FAM76B: variants seen among roughly 807,000 people sequenced by gnomAD.
FAM76B encodes protein FAM76B.
Under a neutral mutation model 51.8 loss-of-function variants are expected in FAM76B, and 16 were observed. That is an observed-to-expected ratio of 0.31 (90% confidence interval 0.21 to 0.47). The LOEUF is 0.47. FAM76B is among the 20% of genes least tolerant of loss of function. The probability of loss-of-function intolerance (pLI) is 1.00; values close to 1 mark genes in which losing one functional copy is unlikely to be tolerated. For missense variants in FAM76B, 342 were observed against 392.6 expected (o/e 0.87, Z 1.09); for synonymous variants, 166 against 129.5 (o/e 1.28, Z -1.91).
At chr11:95,784,942 G>C (rs61902246) in intron 4 of FAM76B, among the ~76,000 whole-genome samples, 2,614 of 152,032 alleles carry the variant, frequency 0.017, 31 homozygotes, top group Middle Eastern at 0.031. Flanking sequence ...AACAAAATAA[G>C]GTTATATATT....
At position 95,789,500 on chromosome 11, in the gene FAM76B, C is replaced by T; in HGVS notation, c.-22G>A. The stretch of plus-strand genomic sequence containing the variant: ...CCATCCTGCTCCTCAGTCTCCTCCT[C>T]CGCCGCCGCCCGCTCCGAGGCGGGG... On this transcript the variant is annotated 5_prime_UTR_variant, in exon 1 of 10. Coordinates refer to ENST00000358780, the MANE Select transcript of FAM76B (RefSeq NM_144664.5). 6.3e-7 allele frequency: 1 copy of T among 1,575,738 alleles called. No homozygotes were observed. The highest frequency in any genetic ancestry group is 1.2e-5 in the South Asian group (1 of 86,528).
intron 9 of FAM76B, among the ~76,000 whole-genome samples, chr11:95,774,972 A>C (rs1859930095): frequency 6.6e-6 from 1 of 151,030 alleles, no homozygotes; most frequent in Non-Finnish European, 1.5e-5. Context: ...CAAAAGAAAG[A>C]AATAGCAAAT....
intron 1 of FAM76B, chr11:95,788,942 G>A (rs1370746575): frequency 1.5e-6 from 2 of 1,347,248 alleles, no homozygotes; most frequent in South Asian, 1.2e-5. Flanking sequence ...CAGTCGCTTC[G>A]CTTTCCTGGA....
At chr11:95,782,044 A>C (rs1860299606) in intron 5 of FAM76B, among the ~76,000 whole-genome samples, 1 of 152,190 alleles carries the variant, frequency 6.6e-6, no homozygotes, top group South Asian at 2.1e-4. Context: ...AAAATTTAAG[A>C]ACAAACAATA....
At chr11:95,776,304 C>T (rs1748124122) in intron 8 of FAM76B, among the ~76,000 whole-genome samples, 2 of 151,272 alleles carry the variant, frequency 1.3e-5, no homozygotes, top group South Asian at 4.1e-4. Flanking sequence ...AGTTTGGCAA[C>T]TGGTATGCCA....
At position 95,788,585 on chromosome 11, in the gene FAM76B, G is replaced by GATACTT. The variant is rs759408857; in HGVS notation, c.88-23_88-22insAAGTAT. 8.3e-4 allele frequency: 1,333 copies of GATACTT among 1,597,860 alleles called. 4 individuals carry two copies. Among genetic ancestry groups the GATACTT allele is most frequent in the Admixed American group, 1.3e-3 (76 of 58,778 alleles). ...ATTCCTGTAATAAGACAATACATTA[G>GATACTT]TCAGTATCTTTCTGAAAGTCCCAAA... On this transcript the variant is annotated intron_variant, in intron 1 of 9. Transcript: ENST00000358780.
intron 5 of FAM76B, among the ~76,000 whole-genome samples, chr11:95,781,717 T>C (rs1860279156): frequency 6.6e-6 from 1 of 152,156 alleles, no homozygotes; most frequent in African/African-American, 2.4e-5. Flanking sequence ...GGTAGACTTA[T>C]ATTATTTTGC....
At chr11:95,782,782 T>C (rs1046520966) in intron 5 of FAM76B, among the ~76,000 whole-genome samples, 3 of 152,216 alleles carry the variant, frequency 2.0e-5, no homozygotes, top group Non-Finnish European at 4.4e-5. Flanking sequence ...TGATAAGTTA[T>C]TTAAGTGTTA....
intron 9 of FAM76B, among the ~76,000 whole-genome samples, chr11:95,772,716 C>CT (rs1008363386): frequency 6.0e-5 from 9 of 150,882 alleles, no homozygotes; most frequent in Non-Finnish European, 1.3e-4. Context: ...CTAATTTTAG[C>CT]TTTTTACGGG....
At chr11:95,772,316 T>C (rs552096607) in intron 9 of FAM76B, among the ~76,000 whole-genome samples, 22 of 151,294 alleles carry the variant, frequency 1.5e-4, no homozygotes, top group African/African-American at 5.1e-4. Flanking sequence ...TCATGAAAGC[T>C]TGAATTTTTA....
At chr11:95,784,178 G>C (rs1860426757) in intron 4 of FAM76B, among the ~76,000 whole-genome samples, 1 of 152,034 alleles carries the variant, frequency 6.6e-6, no homozygotes, top group South Asian at 2.1e-4. Flanking sequence ...TTAGCAAACT[G>C]ACAAAAGAAC....
Position 95,789,774 on chromosome 11 carries a change from C to G in FAM76B, c.-296G>C. The G allele has an allele frequency of 5.7e-6, 2 of 349,960 alleles. No homozygotes were observed. Among genetic ancestry groups the G allele is most frequent in the Non-Finnish European group, 1.0e-5 (2 of 194,432 alleles). The allele number at this position is 349,960 out of a possible 1,614,324, so 21.7% of individuals were successfully genotyped here. Reference sequence around the variant, plus strand: ...GGGGGTTGCTGTTTAGCTGTGCGGCCGTGGATCCGCTTCCTTCTCGGCCTC... The same window carrying G: ...GGGGGTTGCTGTTTAGCTGTGCGGCGGTGGATCCGCTTCCTTCTCGGCCTC... On this transcript the variant is annotated 5_prime_UTR_variant, in exon 1 of 10. Coordinates refer to ENST00000358780, the MANE Select transcript of FAM76B (RefSeq NM_144664.5).
At chr11:95,782,941 G>A (rs977808588) in intron 5 of FAM76B, 124 bp downstream of exon 5, 30 of 1,220,732 alleles carry the variant, frequency 2.5e-5, no homozygotes, top group Non-Finnish European at 3.0e-5. Flanking sequence ...AGACACTCAA[G>A]ATGCTTACTG....
At chr11:95,781,391 C>T (rs1033789542) in intron 5 of FAM76B, among the ~76,000 whole-genome samples, 2 of 152,052 alleles carry the variant, frequency 1.3e-5, no homozygotes, top group Admixed American at 6.6e-5. Flanking sequence ...GGTCAACAGC[C>T]ATCAAATAGA....
chr11:95,781,870 T>G lies in FAM76B; in HGVS notation c.563+1195A>C, dbSNP rs143359188. Among the ~76,000 whole-genome samples, 35 of 152,214 alleles carry G rather than the reference T, an allele frequency of 2.3e-4. 1 individual carries two copies. In the East Asian group the frequency reaches 3.7e-3, roughly 16 times the overall value. On this transcript the variant is annotated intron_variant, in intron 5 of 9. Coordinates refer to ENST00000358780, the MANE Select transcript of FAM76B (RefSeq NM_144664.5). ...AAACATCACTAACCTCAACGTAACC[T>G]CATAATCTAATAGGTGATTGGATAC...
At chr11:95,782,207 G>A (rs1255721864) in intron 5 of FAM76B, among the ~76,000 whole-genome samples, 2 of 152,000 alleles carry the variant, frequency 1.3e-5, no homozygotes, top group African/African-American at 4.8e-5. Context: ...AAGGGTTAAG[G>A]TACTACTACT....
intron 1 of FAM76B, chr11:95,788,826 T>C (rs763438659): frequency 5.5e-6 from 8 of 1,444,618 alleles, no homozygotes; most frequent in Non-Finnish European, 7.3e-6. Context: ...TTTCAAGGAT[T>C]GGTTAAATGT....
chr11:95,787,176 G>A (rs1410298485), intron 3 of FAM76B, among the ~76,000 whole-genome samples: 4 of 151,990 alleles, frequency 2.6e-5, no homozygotes, highest in Non-Finnish European at 5.9e-5. Context: ...TTCCATCAAA[G>A]TATCTATAGA....
At chr11:95,781,584 A>G (rs1315367680) in intron 5 of FAM76B, among the ~76,000 whole-genome samples, 1 of 152,136 alleles carries the variant, frequency 6.6e-6, no homozygotes, top group African/African-American at 2.4e-5. Flanking sequence ...TGCTAAGACA[A>G]ATTTATCTGT....
Sources: allele counts gnomAD v4.1 joint callset (sites outside exome capture counted in the v4.1 genomes callset), GRCh38; gene constraint gnomAD v4.1.1; transcripts MANE v1.5; gene names NCBI Gene and HGNC (gene_info 2026-07-23, HGNC 2026-07-21).